ULK1: variants seen among roughly 807,000 people sequenced by gnomAD.
ULK1 encodes the protein unc-51 like autophagy activating kinase 1.
Under a neutral mutation model 117.5 loss-of-function variants are expected in ULK1, and 48 were observed. The ratio of observed to expected loss-of-function variants is 0.41; its 90% confidence interval spans 0.32 to 0.52. The LOEUF is 0.52. ULK1 is among the 20% of genes least tolerant of loss of function. The pLI is 0.29. For synonymous variants in ULK1, 790 were observed against 637.8 expected (o/e 1.24, Z -3.60); for missense variants, 1,387 against 1,473.4 (o/e 0.94, Z 0.96).
chr12:131,914,227 C>A, intron 15 of ULK1, 125 bp from the exon 16 acceptor site: 1 of 1,459,644 alleles, frequency 6.9e-7, no homozygotes. Context: ...TGGCATGGGT[C>A]TCAGGGTGGC....
Position 131,915,959 on chromosome 12 carries a change from C to G in ULK1, c.1678C>G (p.Leu560Val). Residue 560 changes from leucine to valine, a missense_variant, in exon 19 of 28, where the codon CTG becomes GTG. Coordinates refer to ENST00000321867, the MANE Select transcript of ULK1 (RefSeq NM_003565.4). ...LGCRLHSAPNLSDLHVVRPKL... is the reference protein window; with the variant it reads ...LGCRLHSAPNVSDLHVVRPKL... Reference sequence around the variant, plus strand: ...CTGCCGCCTGCACAGCGCCCCCAACCTGTCTGACTTGCACGTCGTCCGCCC... The same window carrying G: ...CTGCCGCCTGCACAGCGCCCCCAACGTGTCTGACTTGCACGTCGTCCGCCC... 1 of 1,612,564 alleles carries G rather than the reference C, an allele frequency of 6.2e-7. No individual in the cohort carries two copies. Among genetic ancestry groups the G allele is most frequent in the Non-Finnish European group, 8.5e-7 (1 of 1,179,864 alleles).
chr12:131,902,789 G>A lies in ULK1; in HGVS notation c.247-4103G>A, dbSNP rs764182185. Among the ~76,000 whole-genome samples, 4 of 152,140 alleles carry A rather than the reference G, an allele frequency of 2.6e-5. No individual in the cohort carries two copies. Among genetic ancestry groups the A allele is most frequent in the Admixed American group, 1.3e-4 (2 of 15,280 alleles). On this transcript the variant is annotated intron_variant, in intron 3 of 27. Coordinates refer to ENST00000321867, the MANE Select transcript of ULK1 (RefSeq NM_003565.4). This position sits in a 1 kb window ranked among gnomAD's most constrained non-coding sequence, Gnocchi z 6.3. The stretch of plus-strand genomic sequence containing the variant: ...ACCACGGGACGGACCCCCGGACCCT[G>A]TCTTGGGAGGCGAGCTGCTCTGCCT...
chr12:131,909,403 C>T (rs961547930), intron 8 of ULK1, among the ~76,000 whole-genome samples, 166 bp downstream of exon 8: 1 of 152,182 alleles, frequency 6.6e-6, no homozygotes, highest in Non-Finnish European at 1.5e-5. Flanking sequence ...GCCTCGGTGT[C>T]CCCCAGGGAG....
Position 131,921,732 on chromosome 12 carries a change from G to A in ULK1, c.*371G>A. 3.5e-6 allele frequency: 2 copies of A among 567,822 alleles called. No homozygotes were observed. Among genetic ancestry groups the A allele is most frequent in the Non-Finnish European group, 6.7e-6 (2 of 299,068 alleles). 35.2% of individuals were successfully genotyped at this position (567,822 alleles called of 1,614,324 possible). On this transcript the variant is annotated 3_prime_UTR_variant, in exon 28 of 28. Coordinates refer to ENST00000321867, the MANE Select transcript of ULK1 (RefSeq NM_003565.4). ...CCAAAGCGAGCTCCTGCTTAGGGAA[G>A]GTCAGCAGGCACTGTGCCCAGGAAG...
intron 8 of ULK1, among the ~76,000 whole-genome samples, 176 bp downstream of exon 8, chr12:131,909,413 GGGC>G: frequency 6.6e-6 from 1 of 152,188 alleles, no homozygotes; most frequent in Non-Finnish European, 1.5e-5. Flanking sequence ...CCCCCAGGGA[GGGC>G]GGCGCCGCCG....
intron 14 of ULK1, among the ~76,000 whole-genome samples, chr12:131,913,490 T>C (rs1889633463): frequency 6.6e-6 from 1 of 151,586 alleles, no homozygotes; most frequent in Non-Finnish European, 1.5e-5. Context: ...GGTCAGGAGA[T>C]TGAGACCATC....
chr12:131,919,133 G>C, intron 23 of ULK1, 79 bp from the exon 24 acceptor site: 1 of 1,472,788 alleles, frequency 6.8e-7, no homozygotes, highest in South Asian at 1.3e-5. Context: ...TCCCCAAGGC[G>C]TCATCGGTGA....
intron 25 of ULK1, 179 bp from the exon 26 acceptor site, chr12:131,919,800 G>T: frequency 1.9e-6 from 2 of 1,066,024 alleles, no homozygotes; most frequent in Non-Finnish European, 2.7e-6. Flanking sequence ...AGAGGCCGTG[G>T]GGTCGGATGG....
rs991863603 is a variant in ULK1 at position 131,921,881 on chromosome 12, G to A, written c.*520G>A. On this transcript the variant is annotated 3_prime_UTR_variant, in exon 28 of 28. Coordinates refer to ENST00000321867, the MANE Select transcript of ULK1 (RefSeq NM_003565.4). ...CAGAACCTGGACCTCACCAGGGACT[G>A]CTGGGCAGCGATTCCTGGCAGTGGC... is the stretch of plus-strand genomic sequence containing the variant. 2.2e-6 allele frequency: 1 copy of A among 458,246 alleles called. No individual in the cohort carries two copies. The highest frequency in any genetic ancestry group is 2.0e-5 in the African/African-American group (1 of 50,156). 28.4% of individuals were successfully genotyped at this position (458,246 alleles called of 1,614,324 possible).
In ULK1 at chr12:131,916,000, C is replaced by T; in HGVS notation, c.1719C>T (p.Pro573=). ...TCGTCCGCCCCAAGCTGCCCAAACC[C>T]CCCACGGACCCCCTGGGAGCTGTGT... The part of the protein sequence containing the change: ...LHVVRPKLPK[P]PTDPLGAVFS... Residue 573 remains proline (P), a synonymous_variant, in exon 19 of 28, where the codon CCC becomes CCT. Transcript: ENST00000321867. 2 of 1,612,376 alleles carry T rather than the reference C, an allele frequency of 1.2e-6. No homozygotes were observed. Among genetic ancestry groups the T allele is most frequent in the Non-Finnish European group, 1.7e-6 (2 of 1,179,770 alleles).
chr12:131,901,604 C>T (rs1889094433), intron 3 of ULK1, among the ~76,000 whole-genome samples: 1 of 152,208 alleles, frequency 6.6e-6, no homozygotes, highest in Non-Finnish European at 1.5e-5. Context: ...TTGCCACATG[C>T]TGACTTTAAG....
chr12:131,909,963 C>T lies in ULK1; in HGVS notation c.770C>T (p.Ala257Val). The change falls in exon 10 of 28, where the codon GCC becomes GTC. Residue 257 changes from alanine (A) to valine (V), a missense_variant. Ala to Val is a moderately conservative substitution (Grantham distance 64). Transcript: ENST00000321867. ...GCCCCGCTGCGGCAGCTGCTCCTGG[C>T]CCTACTGCAACGCAACCACAAGGAC... ...TSAPLRQLLLALLQRNHKDRM... is the reference protein window; with the variant it reads ...TSAPLRQLLLVLLQRNHKDRM... 4.3e-6 allele frequency: 7 copies of T among 1,612,116 alleles called. No individual in the cohort carries two copies. The highest frequency in any genetic ancestry group is 5.9e-6 in the Non-Finnish European group (7 of 1,179,844).
At chr12:131,910,042 C>G in intron 10 of ULK1, 41 bp downstream of exon 10, 3 of 1,605,712 alleles carry the variant, frequency 1.9e-6, no homozygotes, top group Non-Finnish European at 2.5e-6. Flanking sequence ...CCCCCACCCT[C>G]CTTCCTTGCA....
chr12:131,910,144 C>G lies in ULK1; in HGVS notation c.809-110C>G, dbSNP rs936799798. The G allele has an allele frequency of 3.2e-5, 50 of 1,573,570 alleles. 1 individual carries two copies. The Admixed American group carries it at 8.2e-4, about 26-fold the overall frequency. On this transcript the variant is annotated intron_variant, in intron 10 of 27. Transcript: ENST00000321867. ...AGCCAAGCGCAGGCAGGGGCTCCAC[C>G]TCCGCCCGGGCAGGTGCCCAACGCG...
chr12:131,916,413 G>A lies in ULK1; in HGVS notation c.1894G>A (p.Asp632Asn). 3 of 1,587,774 alleles carry A rather than the reference G, an allele frequency of 1.9e-6. No individual in the cohort carries two copies. Among genetic ancestry groups the A allele is most frequent in the Non-Finnish European group, 2.6e-6 (3 of 1,167,212 alleles). ...GSPTKAVPSF[D>N]FPKTPSSQNL... is the part of the protein sequence containing the mutation. ...GTCCTCCTAGGCTGTGCCCTCCTTT[G>A]ACTTCCCGAAGACCCCCAGCTCCCA... Residue 632 changes from aspartate to asparagine, a missense_variant, in exon 20 of 28, where the codon GAC becomes AAC. Asp to Asn is a conservative substitution (Grantham distance 23). Coordinates refer to ENST00000321867, the MANE Select transcript of ULK1 (RefSeq NM_003565.4).
Position 131,916,175 on chromosome 12 carries a change from A to G in ULK1, c.1878+16A>G, listed in dbSNP as rs767696080. 3.7e-6 allele frequency: 6 copies of G among 1,608,392 alleles called. No homozygotes were observed. Among genetic ancestry groups the G allele is most frequent in the Non-Finnish European group, 5.1e-6 (6 of 1,178,180 alleles). On this transcript the variant is annotated intron_variant, in intron 19 of 27. Transcript: ENST00000321867. ...CCCCACCAAGGTAATGGGCACTGCC[A>G]TGTGTGCAGGGGCACAGAGCCCTGG...
In ULK1 at chr12:131,921,714, G is replaced by A. The variant is rs563151092; in HGVS notation, c.*353G>A. On this transcript the variant is annotated 3_prime_UTR_variant, in exon 28 of 28. Transcript: ENST00000321867. ...ACCACTGCCGACTCAAAGCCAAAGC[G>A]AGCTCCTGCTTAGGGAAGGTCAGCA... 130 of 594,586 alleles carry A rather than the reference G, an allele frequency of 2.2e-4. 2 individuals carry two copies. The East Asian group carries it at 3.1e-3, about 14-fold the overall frequency. 36.8% of individuals were successfully genotyped at this position (594,586 alleles called of 1,614,324 possible).
chr12:131,916,778 C>T (rs567092296), intron 20 of ULK1, among the ~76,000 whole-genome samples, 175 bp from the exon 21 acceptor site: 231 of 152,266 alleles, frequency 1.5e-3, no homozygotes, highest in Admixed American at 2.4e-3. Flanking sequence ...CACAGCAGGT[C>T]CCCGTCCTGA....
Position 131,921,334 on chromosome 12 carries a change from G to C in ULK1, c.3126G>C (p.Ser1042=), listed in dbSNP as rs11546872. ...KCKLCIERRL[S]ALLTGICA is the part of the protein sequence containing the mutation. ...AGCTGTGCATTGAGCGGAGACTCTC[G>C]GCGCTGCTGACTGGCATCTGTGCCT... The change falls in exon 28 of 28, where the codon TCG becomes TCC. Residue 1042 remains serine (S), a synonymous_variant. Coordinates refer to ENST00000321867, the MANE Select transcript of ULK1 (RefSeq NM_003565.4). 1.4e-5 allele frequency: 23 copies of C among 1,605,734 alleles called. No individual in the cohort carries two copies. Among genetic ancestry groups the C allele is most frequent in the Non-Finnish European group, 1.9e-5 (23 of 1,179,938 alleles).
Sources: allele counts gnomAD v4.1 joint callset (sites outside exome capture counted in the v4.1 genomes callset), GRCh38; gene constraint gnomAD v4.1.1; non-coding constraint Gnocchi (gnomAD v3.1); transcripts MANE v1.5; gene names NCBI Gene and HGNC (gene_info 2026-07-23, HGNC 2026-07-21).